WASHC4: variants seen among roughly 807,000 people sequenced by gnomAD.
WASHC4 encodes WASH complex subunit 4, also known as WASH complex subunit 7.
WASHC4 carries 86 observed loss-of-function variants against 166.6 expected under a neutral mutation model. The ratio of observed to expected loss-of-function variants is 0.52; its 90% CI spans 0.43 to 0.62. The LOEUF (loss-of-function observed/expected upper bound fraction) is 0.62, where lower values mean the gene tolerates loss of function less well. Ranked by LOEUF, WASHC4 falls within the 20% of genes least tolerant of loss-of-function variation. The probability of loss-of-function intolerance (pLI) is 0.00; values close to 1 mark genes in which losing one functional copy is unlikely to be tolerated. For missense variants in WASHC4, 1,262 were observed against 1,382.4 expected, an observed-to-expected ratio of 0.91 and a Z score of 1.38; for synonymous variants, 446 against 451.6, an observed-to-expected ratio of 0.99 and a Z score of 0.16.
At chr12:105,143,980 A>G (rs1592895415) in intron 20 of WASHC4, among the ~76,000 whole-genome samples, 2 of 151,912 alleles carry the variant, frequency 1.3e-5, no homozygotes, top group South Asian at 4.1e-4. Flanking sequence ...AGTTATTACA[A>G]GGAAGCTTTT....
chr12:105,132,230 G>A (rs771071430), intron 13 of WASHC4, among the ~76,000 whole-genome samples: 12 of 152,172 alleles, frequency 7.9e-5, no homozygotes, highest in South Asian at 2.1e-4. Context: ...GTGCAGTGGC[G>A]TGATCTTAGC....
intron 16 of WASHC4, 118 bp from the exon 17 acceptor site, chr12:105,140,781 G>A (rs1882771818): frequency 3.0e-6 from 3 of 1,000,336 alleles, no homozygotes; most frequent in African/African-American, 1.6e-5. Flanking sequence ...CTTAAATGGG[G>A]AAAGTATTTG....
In WASHC4 at chr12:105,167,022, C is replaced by G; in HGVS notation, c.*91C>G. The G allele has an allele frequency of 1.2e-6, 1 of 859,130 alleles. No homozygotes were observed. Among genetic ancestry groups the G allele is most frequent in the Non-Finnish European group, 2.0e-6 (1 of 506,640 alleles). The allele number at this position is 859,130 out of a possible 1,614,324, so 53.2% of individuals were successfully genotyped here. ...TGGATAAACTATTGATGAATTGTTT[C>G]CTGGGTCACATCTCTGGAAAATAGA... On this transcript the variant is annotated 3_prime_UTR_variant, in exon 33 of 33. Coordinates refer to ENST00000332180, the MANE Select transcript of WASHC4 (RefSeq NM_015275.3).
At chr12:105,116,603 A>T (rs78564067) in intron 6 of WASHC4, among the ~76,000 whole-genome samples, 9,071 of 152,190 alleles carry the variant, frequency 0.06, 898 homozygotes, top group African/African-American at 0.21. Context: ...TGCTGAGTAG[A>T]TTTTAGCTGC....
Position 105,162,751 on chromosome 12 carries a change from C to G in WASHC4, c.3063C>G (p.Thr1021=), listed in dbSNP as rs1006468208. 6.5e-7 allele frequency: 1 copy of G among 1,545,952 alleles called. No individual in the cohort carries two copies. Residue 1021 remains threonine, a splice_region_variant and synonymous_variant, in exon 30 of 33, where the codon ACC becomes ACG. Coordinates refer to ENST00000332180, the MANE Select transcript of WASHC4 (RefSeq NM_015275.3). The part of the protein sequence containing the change: ...RNFYIIVPPL[T]LNFVEHSISC... ...AACATGTTGTTACATCTTTTTAGAC[C>G]CTCAACTTTGTAGAGCATTCCATTA...
chr12:105,164,859 C>A (rs1215664816), intron 32 of WASHC4, 119 bp downstream of exon 32: 11 of 702,470 alleles, frequency 1.6e-5, no homozygotes, highest in Non-Finnish European at 2.7e-5. Context: ...TAACACAGAC[C>A]TAGCATTAAG....
chr12:105,149,916 CAT>C (rs1263602816), intron 25 of WASHC4, among the ~76,000 whole-genome samples, 167 bp downstream of exon 25: 3 of 152,174 alleles, frequency 2.0e-5, no homozygotes, highest in Admixed American at 2.0e-4. Flanking sequence ...AAAATTAAAT[CAT>C]AAATGTAGCC....
At chr12:105,133,135 C>A (rs1260341466) in intron 13 of WASHC4, among the ~76,000 whole-genome samples, 1 of 152,098 alleles carries the variant, frequency 6.6e-6, no homozygotes, top group Non-Finnish European at 1.5e-5. Context: ...TTCCACAAAT[C>A]CCTTCCCCAT....
At chr12:105,109,810 A>T (rs1052877877) in intron 1 of WASHC4, among the ~76,000 whole-genome samples, 1 of 152,032 alleles carries the variant, frequency 6.6e-6, no homozygotes, top group Non-Finnish European at 1.5e-5. Context: ...ATTGGGATAG[A>T]GACAAGGTTT....
intron 10 of WASHC4, among the ~76,000 whole-genome samples, chr12:105,124,584 G>T (rs1881093688): frequency 6.6e-6 from 1 of 150,592 alleles, no homozygotes; most frequent in African/African-American, 2.4e-5. Context: ...GGGTTCAAAT[G>T]ATTCTCCTGC....
intron 5 of WASHC4, 136 bp downstream of exon 5, chr12:105,115,365 G>T: frequency 1.4e-6 from 1 of 726,422 alleles, no homozygotes; most frequent in Non-Finnish European, 2.4e-6. Context: ...TGGTATGTTT[G>T]GTAAACAGGT....
At position 105,144,345 on chromosome 12, in the gene WASHC4, C is replaced by T; in HGVS notation, c.2069C>T (p.Thr690Ile). ...AAAGATCTGCGACTTTCTGTGCATA[C>T]TCATTTAAAGCTGGATGACCGAAAC... ...IEKDLRLSVH[T>I]HLKLDDRNPF... is the part of the protein sequence containing the mutation. The change falls in exon 21 of 33, where the codon ACT becomes ATT. Residue 690 changes from threonine (T) to isoleucine (I), a missense_variant. By Grantham distance (89) the Thr-to-Ile change is moderately conservative (BLOSUM62 -1). Coordinates refer to ENST00000332180, the MANE Select transcript of WASHC4 (RefSeq NM_015275.3). 1 of 1,613,284 alleles carries T rather than the reference C, an allele frequency of 6.2e-7. No individual in the cohort carries two copies. The highest frequency in any genetic ancestry group is 1.1e-5 in the South Asian group (1 of 91,050).
chr12:105,133,026 CA>C (rs2135770720), intron 13 of WASHC4, among the ~76,000 whole-genome samples: 1 of 152,220 alleles, frequency 6.6e-6, no homozygotes, highest in African/African-American at 2.4e-5. Flanking sequence ...TTCAACTCAT[CA>C]GATCCTCTTG....
intron 10 of WASHC4, among the ~76,000 whole-genome samples, chr12:105,124,833 C>A (rs34705618): frequency 6.6e-6 from 1 of 152,056 alleles, no homozygotes; most frequent in Admixed American, 6.5e-5. Flanking sequence ...TTCCTAGGCC[C>A]AGGGAATGTA....
At chr12:105,129,316 C>T (rs1881580409) in intron 13 of WASHC4, among the ~76,000 whole-genome samples, 1 of 152,292 alleles carries the variant, frequency 6.6e-6, no homozygotes, top group South Asian at 2.1e-4. Context: ...AACTCCTGAC[C>T]TCAGGTGATC....
At position 105,111,241 on chromosome 12, in the gene WASHC4, A is replaced by C. The variant is rs1203829135; in HGVS notation, c.178A>C (p.Asn60His). ...DDSIGDVWDFNLDPIALKLLP... is the reference protein window; with the variant it reads ...DDSIGDVWDFHLDPIALKLLP... ...CTCAATTGGAGATGTTTGGGATTTC[A>C]ATCTTGATCCTATAGCATTAAAGGT... Residue 60 changes from asparagine to histidine, a missense_variant, in exon 2 of 33, where the codon AAT becomes CAT. By Grantham distance (68) the Asn-to-His change is moderately conservative. Coordinates refer to ENST00000332180, the MANE Select transcript of WASHC4 (RefSeq NM_015275.3). 1 of 1,609,640 alleles carries C rather than the reference A, an allele frequency of 6.2e-7. No individual in the cohort carries two copies. The highest frequency in any genetic ancestry group is 2.2e-5 in the East Asian group (1 of 44,774).
Position 105,140,881 on chromosome 12 carries a change from T to G in WASHC4, c.1561-18T>G. ...TTACTGCCTCAGAAACAAATAGTTTTCCTGTTTTATTTTTAAGAAAAGAGT... is the reference window on the plus strand; with the variant it reads ...TTACTGCCTCAGAAACAAATAGTTTGCCTGTTTTATTTTTAAGAAAAGAGT... On this transcript the variant is annotated intron_variant, in intron 16 of 32. Transcript: ENST00000332180. 2.5e-6 allele frequency: 4 copies of G among 1,611,720 alleles called. No homozygotes were observed. Among genetic ancestry groups the G allele is most frequent in the Non-Finnish European group, 3.4e-6 (4 of 1,179,056 alleles).
rs746999588 is a variant in WASHC4, at chr12:105,126,142, A to G, written c.910+15A>G. On this transcript the variant is annotated intron_variant, in intron 11 of 32. Transcript: ENST00000332180. ...AGCCAAACTTGGTAATGTAAATCGC[A>G]TTTTTTGGTTTTTGTTTATAAAATT... The G allele has an allele frequency of 8.7e-6, 14 of 1,612,900 alleles. No individual in the cohort carries two copies. The highest frequency in any genetic ancestry group is 3.3e-5 in the Admixed American group (2 of 59,970).
chr12:105,134,934 TCTC>T (rs1036946323), intron 14 of WASHC4, among the ~76,000 whole-genome samples: 1 of 151,794 alleles, frequency 6.6e-6, no homozygotes, highest in Non-Finnish European at 1.5e-5. Flanking sequence ...TAATTTTATT[TCTC>T]CTCCTCTCTA....
Sources: gnomAD v4.1 joint callset for allele counts (sites outside exome capture counted in the v4.1 genomes callset) on GRCh38, gnomAD v4.1.1 for gene constraint, MANE v1.5 for transcripts, NCBI Gene and HGNC (gene_info 2026-07-23, HGNC 2026-07-21) for gene names.